Variants in BANK1 observed in about 807,000 individuals in gnomAD.
BANK1 encodes B-cell scaffold protein with ankyrin repeats.
BANK1 carries 95 observed loss-of-function variants against 94.5 expected under a neutral mutation model. The observed-to-expected ratio is 1.00, with a 90% CI of 0.85 to 1.19. The LOEUF (loss-of-function observed/expected upper bound fraction) is 1.19. Among genes scored for constraint, BANK1 ranks in the 50% most tolerant of loss-of-function variants. The pLI, the probability that BANK1 is intolerant of heterozygous loss-of-function variation, is 0.00. For missense variants in BANK1, 987 were observed against 932.2 expected, an observed-to-expected ratio of 1.06 and a Z score of -0.77; for synonymous variants, 334 against 308.4, an observed-to-expected ratio of 1.08 and a Z score of -0.87.
chr4:101,940,176 TA>T (rs1723695384), intron 7 of BANK1, among the ~76,000 whole-genome samples: 1 of 151,740 alleles, frequency 6.6e-6, no homozygotes, highest in South Asian at 2.1e-4. Flanking sequence ...TAAATGAATA[TA>T]ATTAGAATGA....
In BANK1 at chr4:102,064,233, CT is replaced by C. The variant is rs1381681496; in HGVS notation, c.2212+1102del. On this transcript the variant is annotated intron_variant, in intron 13 of 16. Transcript: ENST00000322953. ...ATTTCTCTTCATATTATACAGTTAT[CT>C]TTTTTTCTAGAGAGAATTCTTAAGC... Among the ~76,000 whole-genome samples the C allele has an allele frequency of 3.3e-5, 5 of 152,120 alleles. No homozygotes were observed. The South Asian group carries it at 6.2e-4, about 19-fold the overall frequency.
intron 10 of BANK1, among the ~76,000 whole-genome samples, chr4:102,043,574 A>G (rs982187046): frequency 6.6e-6 from 1 of 152,022 alleles, no homozygotes; most frequent in Non-Finnish European, 1.5e-5. Flanking sequence ...TCAAAATGGA[A>G]TCATATCTTG....
chr4:101,860,268 G>A (rs1727817201), intron 3 of BANK1, among the ~76,000 whole-genome samples: 1 of 152,142 alleles, frequency 6.6e-6, no homozygotes, highest in Non-Finnish European at 1.5e-5. Flanking sequence ...GGCCTTCTAA[G>A]TGTGGGGCCC....
At chr4:101,923,624 T>A (rs917338272) in intron 7 of BANK1, among the ~76,000 whole-genome samples, 4 of 151,826 alleles carry the variant, frequency 2.6e-5, no homozygotes, top group African/African-American at 7.2e-5. Flanking sequence ...CTGGAACAAA[T>A]GAAATCATGT....
At chr4:101,923,697 A>C (rs1723070160) in intron 7 of BANK1, among the ~76,000 whole-genome samples, 1 of 151,894 alleles carries the variant, frequency 6.6e-6, no homozygotes, top group African/African-American at 2.4e-5. Context: ...TTAATGGGAA[A>C]GGTGAAGGAT....
chr4:101,920,570 T>A (rs2148901150), intron 7 of BANK1, among the ~76,000 whole-genome samples: 1 of 152,092 alleles, frequency 6.6e-6, no homozygotes, highest in Non-Finnish European at 1.5e-5. Context: ...AAATTTTTCA[T>A]GAACTATTGT....
At chr4:101,840,732 T>A (rs1289346283) in intron 2 of BANK1, among the ~76,000 whole-genome samples, 2 of 152,240 alleles carry the variant, frequency 1.3e-5, no homozygotes, top group African/African-American at 4.8e-5. Flanking sequence ...TTCGAGGCTC[T>A]CAGCTCTGAA....
chr4:102,063,053 T>C, intron 12 of BANK1, 22 bp from the exon 13 acceptor site: 2 of 1,604,700 alleles, frequency 1.2e-6, no homozygotes, highest in Non-Finnish European at 1.7e-6. Flanking sequence ...CATAACTATG[T>C]CCTGGTTGTT....
chr4:101,883,315 C>T (rs1035438141), intron 5 of BANK1, among the ~76,000 whole-genome samples: 3 of 152,110 alleles, frequency 2.0e-5, no homozygotes, highest in African/African-American at 7.2e-5. Flanking sequence ...GATATACTAG[C>T]TGTTGTGAGA....
intron 7 of BANK1, among the ~76,000 whole-genome samples, chr4:102,021,099 G>A (rs2148946557): frequency 6.6e-6 from 1 of 152,078 alleles, no homozygotes; most frequent in African/African-American, 2.4e-5. Flanking sequence ...TAATTTCATT[G>A]TCTTTCACTG....
At chr4:101,814,083 A>T (rs774853527) in intron 1 of BANK1, 14 of 182,062 alleles carry the variant, frequency 7.7e-5, no homozygotes, top group Non-Finnish European at 1.3e-4. Context: ...GTGACATCCC[A>T]TGTAACTCTG....
At chr4:102,070,304 C>A (rs1468959186) in intron 13 of BANK1, among the ~76,000 whole-genome samples, 1 of 152,122 alleles carries the variant, frequency 6.6e-6, no homozygotes, top group African/African-American at 2.4e-5. Context: ...GGTGAACTGC[C>A]CACATGCACG....
intron 10 of BANK1, among the ~76,000 whole-genome samples, chr4:102,040,183 T>A (rs371580310): frequency 4.6e-5 from 7 of 152,168 alleles, no homozygotes; most frequent in Non-Finnish European, 8.8e-5. Flanking sequence ...GTGAACTCAT[T>A]AAATTTCACC....
At chr4:101,870,469 A>G in intron 4 of BANK1, 36 bp from the exon 5 acceptor site, 1 of 1,582,764 alleles carries the variant, frequency 6.3e-7, no homozygotes, top group Non-Finnish European at 8.6e-7. Flanking sequence ...TATGCATTAT[A>G]TACTCTGCCC....
At chr4:101,849,283 A>G (rs1165797397) in intron 2 of BANK1, among the ~76,000 whole-genome samples, 1 of 152,144 alleles carries the variant, frequency 6.6e-6, no homozygotes, top group Non-Finnish European at 1.5e-5. Context: ...TTTTACCAAT[A>G]GTTATTGAGT....
At chr4:101,996,811 A>G (rs1467033794) in intron 7 of BANK1, among the ~76,000 whole-genome samples, 1 of 152,204 alleles carries the variant, frequency 6.6e-6, no homozygotes, top group African/African-American at 2.4e-5. Flanking sequence ...GTTGCTTATC[A>G]GCTTAAGGAG....
intron 2 of BANK1, among the ~76,000 whole-genome samples, chr4:101,834,223 T>C (rs1183099669): frequency 6.6e-6 from 1 of 152,202 alleles, no homozygotes; most frequent in Non-Finnish European, 1.5e-5. Context: ...CTATTCATGC[T>C]CGGTAAGAGG....
At chr4:102,003,176 T>C (rs1308848871) in intron 7 of BANK1, among the ~76,000 whole-genome samples, 1 of 152,138 alleles carries the variant, frequency 6.6e-6, no homozygotes, top group Non-Finnish European at 1.5e-5. Flanking sequence ...AGGAATACAC[T>C]AAGTAGAGGT....
At chr4:102,056,758 C>T (rs1368236575) in intron 11 of BANK1, among the ~76,000 whole-genome samples, 1 of 152,096 alleles carries the variant, frequency 6.6e-6, no homozygotes, top group Non-Finnish European at 1.5e-5. Context: ...GTAATCCCAG[C>T]ACTTTGGGAG....
Sources: gnomAD v4.1 joint callset for allele counts (sites outside exome capture counted in the v4.1 genomes callset) on GRCh38, gnomAD v4.1.1 for gene constraint, MANE v1.5 for transcripts, NCBI Gene and HGNC (gene_info 2026-07-23, HGNC 2026-07-21) for gene names.